Variants in P3H2 observed in about 807,000 individuals in gnomAD.
The protein encoded by P3H2 is prolyl 3-hydroxylase 2.
Under a neutral mutation model 87.0 loss-of-function variants are expected in P3H2, and 80 were observed. The ratio of observed to expected loss-of-function variants is 0.92; its 90% CI spans 0.77 to 1.11. The LOEUF (loss-of-function observed/expected upper bound fraction) is 1.11, where lower values mean the gene tolerates loss of function less well. P3H2 is among the 50% of genes least tolerant of loss of function. The pLI, the probability that P3H2 is intolerant of heterozygous loss-of-function variation, is 0.00. For synonymous variants in P3H2, 367 were observed against 359.3 expected, an observed-to-expected ratio of 1.02 and a Z score of -0.24; for missense variants, 1,001 against 923.9, an observed-to-expected ratio of 1.08 and a Z score of -1.08.
chr3:190,029,124 AGAG>A, intron 1 of P3H2, among the ~76,000 whole-genome samples: 1 of 152,330 alleles, frequency 6.6e-6, no homozygotes, highest in Non-Finnish European at 1.5e-5. Context: ...TTATCTCTTA[AGAG>A]TTCGAGTGGG....
intron 1 of P3H2, among the ~76,000 whole-genome samples, chr3:190,077,690 T>C (rs1726914911): frequency 6.6e-6 from 1 of 152,110 alleles, no homozygotes. Flanking sequence ...GGATGAAAGG[T>C]TTTGTAACAA....
chr3:189,983,653 A>G (rs1723604226), intron 7 of P3H2, among the ~76,000 whole-genome samples: 1 of 152,190 alleles, frequency 6.6e-6, no homozygotes, highest in Admixed American at 6.5e-5. Context: ...GTGTATATAC[A>G]TTCTTGGATC....
intron 1 of P3H2, among the ~76,000 whole-genome samples, chr3:189,997,082 C>T (rs1006738369): frequency 2.6e-5 from 4 of 152,156 alleles, no homozygotes; most frequent in Admixed American, 6.5e-5. Context: ...AGTGCAATGG[C>T]GCGATCTTGG....
chr3:189,962,161 C>CTTTTTTTTTTTTTTTTTTTTTTTTT (rs770628547), intron 14 of P3H2, among the ~76,000 whole-genome samples: 12 of 87,648 alleles, frequency 1.4e-4, no homozygotes, highest in Non-Finnish European at 2.3e-4. Context: ...TCTTCTTCTT[C>CTTTTTTTTTTTTTTTTTTTTTTTTT]TTTTTTTTTT....
At chr3:189,989,271 C>T (rs1577257439) in intron 3 of P3H2, among the ~76,000 whole-genome samples, 1 of 152,220 alleles carries the variant, frequency 6.6e-6, no homozygotes, top group Admixed American at 6.5e-5. Flanking sequence ...CTCCAGCTCA[C>T]AGTCTGTTCT....
chr3:190,091,145 A>G (rs957260317), intron 1 of P3H2, among the ~76,000 whole-genome samples: 2 of 152,248 alleles, frequency 1.3e-5, no homozygotes, highest in African/African-American at 4.8e-5. Context: ...GCCACAAAAA[A>G]TCAAAAGCCA....
At chr3:190,083,878 G>A (rs967292210) in intron 1 of P3H2, among the ~76,000 whole-genome samples, 3 of 152,154 alleles carry the variant, frequency 2.0e-5, no homozygotes, top group African/African-American at 7.2e-5. Flanking sequence ...AAAAGTGAAC[G>A]AACAATAACC....
At position 190,120,518 on chromosome 3, in the gene P3H2, G is replaced by A. The variant is rs937420511; in HGVS notation, c.214C>T (p.Arg72Cys). The part of the protein sequence containing the change: ...RAVRDLEAAL[R>C]SHRRLREIRT... Reference sequence around the variant, plus strand: ...ATTTCCCGCAGGCGCCGGTGGCTGCGCAGCGCCGCTTCCAAGTCGCGCACC... The same window carrying A: ...ATTTCCCGCAGGCGCCGGTGGCTGCACAGCGCCGCTTCCAAGTCGCGCACC... The change falls in exon 1 of 15, where the codon CGC becomes TGC. Residue 72 changes from arginine to cysteine, a missense_variant. Transcript: ENST00000319332. 2.9e-5 allele frequency: 43 copies of A among 1,483,430 alleles called. No individual in the cohort carries two copies. The highest frequency in any genetic ancestry group is 3.4e-5 in the Non-Finnish European group (38 of 1,124,328). 91.9% of individuals were successfully genotyped at this position (1,483,430 alleles called of 1,614,324 possible). A position where few individuals can be genotyped will look rare whatever the true frequency, so the allele number is the denominator to read the frequency against.
chr3:190,060,552 T>A lies in P3H2; in HGVS notation c.480+59700A>T, dbSNP rs115499852. Among the ~76,000 whole-genome samples, 576 of 152,326 alleles carry A rather than the reference T, an allele frequency of 3.8e-3. 3 individuals are homozygous for A. The highest frequency in any genetic ancestry group is 0.013 in the African/African-American group (532 of 41,584). ...CTAATTCCAATTTTATATTTTTTAA[T>A]AGCTATCATTGCTTTCAGTCAAGCA... On this transcript the variant is annotated intron_variant, in intron 1 of 14. Coordinates refer to ENST00000319332, the MANE Select transcript of P3H2 (RefSeq NM_018192.4).
chr3:190,030,408 A>G (rs1725216600), intron 1 of P3H2, among the ~76,000 whole-genome samples: 1 of 152,132 alleles, frequency 6.6e-6, no homozygotes, highest in African/African-American at 2.4e-5. Flanking sequence ...CTCTTGTCTA[A>G]AAAATGCAAA....
intron 11 of P3H2, among the ~76,000 whole-genome samples, chr3:189,972,551 A>G (rs1193856699): frequency 6.6e-6 from 1 of 152,184 alleles, no homozygotes; most frequent in African/African-American, 2.4e-5. Flanking sequence ...GGTAGACATC[A>G]TGGTGACTAT....
intron 1 of P3H2, among the ~76,000 whole-genome samples, chr3:190,080,881 A>T (rs187225714): frequency 1.3e-5 from 2 of 152,344 alleles, no homozygotes. Flanking sequence ...AACCCTCCAG[A>T]ACCTCATAAT....
intron 1 of P3H2, among the ~76,000 whole-genome samples, chr3:190,047,327 G>C (rs1725839110): frequency 6.6e-6 from 1 of 152,170 alleles, no homozygotes; most frequent in South Asian, 2.1e-4. Context: ...AGTATGGAGA[G>C]TCCTCAAAAA....
intron 1 of P3H2, among the ~76,000 whole-genome samples, chr3:190,080,483 CT>C (rs2108978959): frequency 6.6e-6 from 1 of 152,242 alleles, no homozygotes; most frequent in Non-Finnish European, 1.5e-5. Flanking sequence ...TCACCGCAAC[CT>C]CTGCCTCCCA....
At chr3:190,054,681 T>G (rs1018791899) in intron 1 of P3H2, among the ~76,000 whole-genome samples, 4 of 152,160 alleles carry the variant, frequency 2.6e-5, no homozygotes, top group Non-Finnish European at 5.9e-5. Context: ...AGATTCTGAA[T>G]TTTTCACCCA....
At chr3:189,963,857 A>AC in intron 14 of P3H2, 101 bp downstream of exon 14, 1 of 1,175,080 alleles carries the variant, frequency 8.5e-7, no homozygotes, top group Non-Finnish European at 1.3e-6. Context: ...AACTGCCTTT[A>AC]CCCTCTTCTT....
chr3:190,054,932 C>T (rs771499439), intron 1 of P3H2, among the ~76,000 whole-genome samples: 1 of 152,170 alleles, frequency 6.6e-6, no homozygotes, highest in Non-Finnish European at 1.5e-5. Context: ...TGCCCCCAAA[C>T]AGACACCATT....
intron 1 of P3H2, among the ~76,000 whole-genome samples, chr3:190,007,986 A>ATATATATATAT (rs1560359925): frequency 7.1e-6 from 1 of 141,572 alleles, no homozygotes; most frequent in African/African-American, 2.7e-5. Context: ...ATATATATAT[A>ATATATATATAT]GTAAACTTCA....
intron 1 of P3H2, among the ~76,000 whole-genome samples, chr3:190,057,689 T>C (rs939059508): frequency 3.3e-5 from 5 of 152,174 alleles, no homozygotes; most frequent in Admixed American, 1.3e-4. Context: ...AAACAGATGA[T>C]GTGGTGTGGC....
Sources: gnomAD v4.1 joint callset for allele counts (sites outside exome capture counted in the v4.1 genomes callset) on GRCh38, gnomAD v4.1.1 for gene constraint, MANE v1.5 for transcripts, NCBI Gene and HGNC (gene_info 2026-07-23, HGNC 2026-07-21) for gene names.